The following PRPF6 variants were observed in gnomAD, a reference collection of about 807,000 sequenced individuals.
PRPF6 encodes pre-mRNA processing factor 6, also known as pre-mRNA-processing factor 6.
A neutral mutation model predicts 118.3 loss-of-function variants in PRPF6; 42 were observed. That is an observed-to-expected ratio of 0.35 (90% CI 0.28 to 0.46). The LOEUF (loss-of-function observed/expected upper bound fraction) is 0.46, where lower values mean the gene tolerates loss of function less well. PRPF6 is among the 20% of genes least tolerant of loss of function. The pLI is 1.00. For synonymous variants in PRPF6, 481 were observed against 485.1 expected (o/e 0.99, Z 0.11); for missense variants, 662 against 1,255.7 (o/e 0.53, Z 7.15).
rs2059305755 is a variant in PRPF6, at chr20:64,029,571, G to A, written c.2546+80G>A. The stretch of plus-strand genomic sequence containing the variant: ...TCCAGAGTCTGTCTGCCTCTTCCTG[G>A]TCATTGTAAAGATGCCCGGCAGCAG... On this transcript the variant is annotated intron_variant, in intron 19 of 20. Coordinates refer to ENST00000266079, the MANE Select transcript of PRPF6 (RefSeq NM_012469.4). This position sits in a 1 kb window ranked among gnomAD's most constrained non-coding sequence, Gnocchi z 4.8. 1 of 1,276,186 alleles carries A rather than the reference G, an allele frequency of 7.8e-7. No homozygotes were observed. The highest frequency in any genetic ancestry group is 1.1e-6 in the Non-Finnish European group (1 of 881,462). The allele number at this position is 1,276,186 out of a possible 1,614,324, so 79.1% of individuals were successfully genotyped here. A position where few individuals can be genotyped will look rare whatever the true frequency, so the allele number is the denominator to read the frequency against.
chr20:63,995,455 C>T lies in PRPF6; in HGVS notation c.744C>T (p.Asn248=). The T allele has an allele frequency of 6.2e-7, 1 of 1,614,130 alleles. No individual in the cohort carries two copies. Among genetic ancestry groups the T allele is most frequent in the Non-Finnish European group, 8.5e-7 (1 of 1,180,024 alleles). ...LDMRKIGQAR[N]TLMDMRLSQV... The stretch of plus-strand genomic sequence containing the variant: ...TGAGGAAGATTGGCCAAGCGAGGAA[C>T]ACTCTGATGGACATGAGGCTGAGCC... The change falls in exon 6 of 21, where the codon AAC becomes AAT. Residue 248 remains asparagine, a synonymous_variant. Transcript: ENST00000266079.
chr20:64,005,275 C>A (rs1237844308), intron 9 of PRPF6, among the ~76,000 whole-genome samples: 1 of 152,158 alleles, frequency 6.6e-6, no homozygotes, highest in Non-Finnish European at 1.5e-5. Flanking sequence ...GACACAGAGT[C>A]CTGGGAGTCG....
chr20:64,013,044 A>G (rs2059221725), intron 11 of PRPF6, among the ~76,000 whole-genome samples: 1 of 149,428 alleles, frequency 6.7e-6, no homozygotes, highest in Admixed American at 6.8e-5. Context: ...GGCTTACTGC[A>G]ACCTCCACCT....
intron 12 of PRPF6, among the ~76,000 whole-genome samples, chr20:64,020,998 G>A (rs1189410543): frequency 1.3e-5 from 2 of 152,208 alleles, no homozygotes; most frequent in East Asian, 3.8e-4. Flanking sequence ...TGTTGGTCAG[G>A]CTGATCTCAA....
At chr20:63,982,456 C>G (rs1331578670) in intron 1 of PRPF6, among the ~76,000 whole-genome samples, 1 of 152,068 alleles carries the variant, frequency 6.6e-6, no homozygotes, top group African/African-American at 2.4e-5. Context: ...AGGCGTGAGC[C>G]ACCACGCCCG....
At chr20:63,997,392 A>G (rs1401234077) in intron 6 of PRPF6, among the ~76,000 whole-genome samples, 1 of 150,550 alleles carries the variant, frequency 6.6e-6, no homozygotes, top group African/African-American at 2.4e-5. Flanking sequence ...TCGGGTTCAA[A>G]TGATTCTCCC....
chr20:64,001,388 C>A (rs1228532981), intron 9 of PRPF6, 149 bp downstream of exon 9: 7 of 946,540 alleles, frequency 7.4e-6, no homozygotes, highest in Non-Finnish European at 1.1e-5. Context: ...TGCCTCTGCC[C>A]TTGGACCCCC....
intron 3 of PRPF6, among the ~76,000 whole-genome samples, chr20:63,991,416 T>G (rs1302865848): frequency 1.3e-5 from 2 of 152,004 alleles, no homozygotes; most frequent in African/African-American, 4.8e-5. Context: ...ACCAAGGCCG[T>G]GTCTCTAAAA....
At chr20:64,016,584 C>T (rs2059239448) in intron 11 of PRPF6, 139 bp from the exon 12 acceptor site, 2 of 1,142,564 alleles carry the variant, frequency 1.8e-6, no homozygotes, top group Admixed American at 2.0e-5. Flanking sequence ...GACTCACTTC[C>T]TCAGATCCCC....
In PRPF6 at chr20:63,984,918, T is replaced by C. The variant is rs746231193; in HGVS notation, c.252T>C (p.Tyr84=). 1.2e-6 allele frequency: 2 copies of C among 1,613,136 alleles called. No homozygotes were observed. The highest frequency in any genetic ancestry group is 2.7e-5 in the African/African-American group (2 of 74,922). Residue 84 remains tyrosine, a synonymous_variant, in exon 3 of 21, where the codon TAT becomes TAC. Transcript: ENST00000266079. ...NDTNYDEFNG[Y]AGSLFSSGPY... is the part of the protein sequence containing the mutation. ...TGTTTGCTTCTCAGTTTAATGGCTA[T>C]GCTGGGAGCCTCTTCTCAAGTGGAC...
chr20:63,996,207 C>G (rs539559950), intron 6 of PRPF6, among the ~76,000 whole-genome samples: 1 of 151,996 alleles, frequency 6.6e-6, no homozygotes, highest in African/African-American at 2.4e-5. Context: ...GGTGTGGTGG[C>G]GGGCGCCTGT....
chr20:63,983,264 A>G (rs762763258), intron 2 of PRPF6, 49 bp downstream of exon 2: 5 of 1,610,846 alleles, frequency 3.1e-6, no homozygotes, highest in Non-Finnish European at 4.2e-6. Flanking sequence ...CTCTGGGAGC[A>G]GCTGACCTAA....
chr20:63,981,373 T>G (rs1233809816), intron 1 of PRPF6, 57 bp downstream of exon 1: 2 of 1,498,382 alleles, frequency 1.3e-6, no homozygotes, highest in African/African-American at 1.4e-5. Flanking sequence ...GCGCAGTGCT[T>G]TGGGGCGTGT....
rs1401176696 is a variant in PRPF6 at position 64,010,303 on chromosome 20, C to T, written c.1290C>T (p.Cys430=). ...TGCTGAGCCGAGCTGTGGAGTGCTG[C>T]CCCACCAGCGTGGAGGTGAGTCTGG... The part of the protein sequence containing the change: ...RIMLSRAVEC[C]PTSVELWLAL... The change falls in exon 10 of 21, where the codon TGC becomes TGT. Residue 430 remains cysteine, a synonymous_variant. Transcript: ENST00000266079. 1.2e-6 allele frequency: 2 copies of T among 1,613,498 alleles called. No individual in the cohort carries two copies. Among genetic ancestry groups the T allele is most frequent in the African/African-American group, 1.3e-5 (1 of 75,058 alleles).
Position 64,016,761 on chromosome 20 carries a change from C to G in PRPF6, c.1563C>G (p.Thr521=), listed in dbSNP as rs1477256105. 1.2e-6 allele frequency: 2 copies of G among 1,614,092 alleles called. No individual in the cohort carries two copies. Among genetic ancestry groups the G allele is most frequent in the African/African-American group, 1.3e-5 (1 of 75,034 alleles). ...GTGACAGGGCTGGGAGTGTGGCCACCTGCCAGGCCGTCATGCGTGCCGTGA... is the reference window on the plus strand; with the variant it reads ...GTGACAGGGCTGGGAGTGTGGCCACGTGCCAGGCCGTCATGCGTGCCGTGA... ...EECDRAGSVA[T]CQAVMRAVIG... is the part of the protein sequence containing the mutation. The change falls in exon 12 of 21, where the codon ACC becomes ACG. Residue 521 remains threonine (T), a synonymous_variant. Coordinates refer to ENST00000266079, the MANE Select transcript of PRPF6 (RefSeq NM_012469.4).
chr20:63,984,756 C>T, intron 2 of PRPF6, 151 bp from the exon 3 acceptor site: 1 of 652,332 alleles, frequency 1.5e-6, no homozygotes, highest in Non-Finnish European at 2.8e-6. Context: ...GAAGAGTAGT[C>T]ACCAGTTATA....
chr20:63,990,670 A>G, intron 3 of PRPF6, among the ~76,000 whole-genome samples: 2 of 143,448 alleles, frequency 1.4e-5, no homozygotes, highest in Non-Finnish European at 1.5e-5. Context: ...TTTGAGATGG[A>G]GTCTCACTCT....
intron 6 of PRPF6, among the ~76,000 whole-genome samples, chr20:63,998,281 C>T (rs1369398805): frequency 6.7e-6 from 1 of 149,892 alleles, no homozygotes; most frequent in Non-Finnish European, 1.5e-5. Context: ...TTTTAGTAGA[C>T]ACGGGGTTTC....
chr20:64,023,214 C>T (rs939346960), intron 13 of PRPF6, among the ~76,000 whole-genome samples: 5 of 152,204 alleles, frequency 3.3e-5, no homozygotes, highest in African/African-American at 9.6e-5. Context: ...CTGGCTGCAG[C>T]GGTGGGTGGG....
Sources: gnomAD v4.1 joint callset for allele counts (sites outside exome capture counted in the v4.1 genomes callset) on GRCh38, gnomAD v4.1.1 for gene constraint, Gnocchi (gnomAD v3.1) non-coding constraint, MANE v1.5 for transcripts, NCBI Gene and HGNC (gene_info 2026-07-23, HGNC 2026-07-21) for gene names.